NYAP2: variants seen among roughly 807,000 people sequenced by gnomAD.
NYAP2 encodes neuronal tyrosine-phosphorylated phosphoinositide-3-kinase adapter 2.
A neutral mutation model predicts 50.4 loss-of-function variants in NYAP2; 23 were observed. The observed-to-expected ratio is 0.46, with a 90% CI of 0.33 to 0.65. The LOEUF (loss-of-function observed/expected upper bound fraction) is 0.65. Ranked by LOEUF, NYAP2 falls within the 30% of genes least tolerant of loss-of-function variation. The probability of loss-of-function intolerance (pLI) is 0.02; values close to 1 mark genes in which losing one functional copy is unlikely to be tolerated. For synonymous variants in NYAP2, 394 were observed against 365.2 expected (o/e 1.08, Z -0.90); for missense variants, 885 against 861.0 (o/e 1.03, Z -0.35).
intron 3 of NYAP2, among the ~76,000 whole-genome samples, chr2:225,467,766 A>G (rs925367809): frequency 7.2e-5 from 11 of 152,242 alleles, no homozygotes; most frequent in African/African-American, 2.7e-4. Flanking sequence ...AGTTAAAGAC[A>G]GAAAATAACA....
At position 225,597,512 on chromosome 2, in the gene NYAP2, AATATATAT is replaced by A; in HGVS notation, c.1618+14488_1618+14495del. On this transcript the variant is annotated intron_variant, in intron 5 of 6. Transcript: ENST00000636099. ...ATGGCTAAATAGTATTCCAAGGAGAAATATATATATATATATATGTATCACAATTTCCT... is the reference window on the plus strand; with the variant it reads ...ATGGCTAAATAGTATTCCAAGGAGAAATATATATATGTATCACAATTTCCT... Among the ~76,000 whole-genome samples the A allele has an allele frequency of 1.1e-4, 5 of 46,258 alleles. 1 individual carries two copies. The highest frequency in any genetic ancestry group is 8.1e-4 in the East Asian group (1 of 1,232). The allele number at this position is 46,258 out of a possible 152,430, so 30.3% of individuals were successfully genotyped here.
At chr2:225,649,542 A>C (rs1408856716) in intron 6 of NYAP2, among the ~76,000 whole-genome samples, 2 of 152,142 alleles carry the variant, frequency 1.3e-5, no homozygotes, top group African/African-American at 4.8e-5. Context: ...TTTAGGTTTA[A>C]TGTCTCTCCC....
At chr2:225,475,003 C>T (rs558790239) in intron 3 of NYAP2, among the ~76,000 whole-genome samples, 9 of 152,280 alleles carry the variant, frequency 5.9e-5, no homozygotes, top group Admixed American at 5.9e-4. Flanking sequence ...CATAACACTC[C>T]AGTTCTAGGA....
intron 3 of NYAP2, among the ~76,000 whole-genome samples, chr2:225,497,467 A>T (rs1311832901): frequency 6.6e-6 from 1 of 152,186 alleles, no homozygotes; most frequent in Admixed American, 6.5e-5. Flanking sequence ...TTTTAAATGG[A>T]CTTCAAAAAT....
At chr2:225,661,124 A>G in the NYAP2 span, among the ~76,000 whole-genome samples, 14 of 152,352 alleles carry the variant, frequency 9.2e-5, 1 homozygote, top group East Asian at 2.5e-3. Context: ...TTCCATTAAC[A>G]TGTTTGAAAC....
intron 4 of NYAP2, among the ~76,000 whole-genome samples, chr2:225,579,988 T>G (rs902635685): frequency 1.3e-5 from 2 of 152,218 alleles, no homozygotes; most frequent in Non-Finnish European, 2.9e-5. Context: ...TAACCCTCCC[T>G]TCATAGAGCA....
chr2:225,679,635 C>T, the NYAP2 span, among the ~76,000 whole-genome samples: 1 of 150,868 alleles, frequency 6.6e-6, no homozygotes, highest in Non-Finnish European at 1.5e-5. Context: ...GCTGAGACTA[C>T]AGGCATGCAC....
intron 4 of NYAP2, 137 bp from the exon 5 acceptor site, chr2:225,581,804 T>C: frequency 1.2e-6 from 1 of 804,636 alleles, no homozygotes; most frequent in Non-Finnish European, 2.0e-6. Context: ...GGTTGATTTT[T>C]ACTCTGAAAC....
the NYAP2 span, among the ~76,000 whole-genome samples, chr2:225,666,536 G>A: frequency 2.0e-5 from 3 of 152,236 alleles, no homozygotes; most frequent in East Asian, 1.9e-4. Flanking sequence ...AAGCTTGGGC[G>A]GGGTTGGGGG....
chr2:225,476,739 A>G (rs1320240249), intron 3 of NYAP2, among the ~76,000 whole-genome samples: 2 of 152,192 alleles, frequency 1.3e-5, no homozygotes, highest in African/African-American at 4.8e-5. Flanking sequence ...ATAGAATTGA[A>G]GAGATACATA....
intron 6 of NYAP2, among the ~76,000 whole-genome samples, chr2:225,642,050 G>A (rs1693543280): frequency 6.9e-6 from 1 of 144,738 alleles, no homozygotes; most frequent in Non-Finnish European, 1.5e-5. Flanking sequence ...ACTATACTGA[G>A]AAAAGAGACA....
At chr2:225,446,923 T>C (rs140438535) in intron 3 of NYAP2, among the ~76,000 whole-genome samples, 1 of 152,010 alleles carries the variant, frequency 6.6e-6, no homozygotes, top group South Asian at 2.1e-4. Flanking sequence ...CACAGGACAA[T>C]TCAACCAGAG....
intron 2 of NYAP2, among the ~76,000 whole-genome samples, chr2:225,402,293 G>A (rs1694876279): frequency 6.6e-6 from 1 of 151,950 alleles, no homozygotes; most frequent in Non-Finnish European, 1.5e-5. Flanking sequence ...AAGAAGGTTG[G>A]TTATTGTTTA....
intron 3 of NYAP2, among the ~76,000 whole-genome samples, chr2:225,466,344 AT>A (rs1010099732): frequency 1.3e-5 from 2 of 151,690 alleles, no homozygotes; most frequent in African/African-American, 2.4e-5. Flanking sequence ...TATTTTCTAG[AT>A]TTTTTTTCTT....
At chr2:225,403,566 T>G (rs987925722) in intron 2 of NYAP2, among the ~76,000 whole-genome samples, 2 of 151,942 alleles carry the variant, frequency 1.3e-5, no homozygotes, top group Admixed American at 6.6e-5. Context: ...TAGGAAGCCA[T>G]TCTTTCCCAA....
chr2:225,473,410 T>G (rs1444526295), intron 3 of NYAP2, among the ~76,000 whole-genome samples: 2 of 152,182 alleles, frequency 1.3e-5, no homozygotes, highest in Non-Finnish European at 2.9e-5. Context: ...GTTGAACTAG[T>G]TCACAGTCCC....
rs751977817 is a variant in NYAP2, at chr2:225,480,980, AAG to A, written c.222-32388_222-32387del. ...TGTAATGACTCCCTAACAATTCAAC[AAG>A]AGTCTCAAGAACATAACTTTATATT... On this transcript the variant is annotated intron_variant, in intron 3 of 6. Transcript: ENST00000636099. 5.9e-5 allele frequency among the ~76,000 whole-genome samples: 9 copies of A among 152,064 alleles called. No individual in the cohort carries two copies. The East Asian group carries it at 1.4e-3, about 23-fold the overall frequency.
intron 3 of NYAP2, among the ~76,000 whole-genome samples, chr2:225,474,203 G>C (rs572238541): frequency 1.8e-4 from 28 of 152,228 alleles, no homozygotes; most frequent in Admixed American, 1.2e-3. Flanking sequence ...TGCTGTTTTG[G>C]TTACTGTAGC....
downstream of NYAP2, among the ~76,000 whole-genome samples, chr2:225,657,173 C>T (rs1437382906): frequency 2.2e-5 from 3 of 139,510 alleles, no homozygotes; most frequent in East Asian, 2.1e-4. Flanking sequence ...TGCAATGATG[C>T]GATCTCAGCT....
Sources: gnomAD v4.1 joint callset for allele counts (sites outside exome capture counted in the v4.1 genomes callset) on GRCh38, gnomAD v4.1.1 for gene constraint, MANE v1.5 for transcripts, NCBI Gene and HGNC (gene_info 2026-07-23, HGNC 2026-07-21) for gene names.